The following APBA2 variants were observed in gnomAD, a reference collection of about 807,000 sequenced individuals.
The protein encoded by APBA2 is amyloid beta precursor protein binding family A member 2.
APBA2 carries 30 observed loss-of-function variants against 75.0 expected under a neutral mutation model. The observed-to-expected ratio is 0.40, with a 90% CI of 0.30 to 0.54. The LOEUF (loss-of-function observed/expected upper bound fraction) is 0.54. Ranked by LOEUF, APBA2 falls within the 20% of genes least tolerant of loss-of-function variation. The pLI is 0.49. For synonymous variants in APBA2, 444 were observed against 409.6 expected, an observed-to-expected ratio of 1.08 and a Z score of -1.01; for missense variants, 801 against 1,016.1, an observed-to-expected ratio of 0.79 and a Z score of 2.88.
chr15:29,114,110 C>T, intron 14 of APBA2, 94 bp downstream of exon 14: 1 of 1,561,116 alleles, frequency 6.4e-7, no homozygotes. Flanking sequence ...GGACACAGGG[C>T]ATCTGAAGGT....
intron 2 of APBA2, among the ~76,000 whole-genome samples, chr15:28,957,374 C>T (rs755722665): frequency 2.0e-5 from 3 of 152,188 alleles, no homozygotes; most frequent in South Asian, 2.1e-4. Context: ...CTACTGCGCC[C>T]GGCCTGAGCT....
intron 6 of APBA2, among the ~76,000 whole-genome samples, chr15:29,083,612 C>CCTT (rs1215620511): frequency 1.3e-5 from 2 of 152,250 alleles, no homozygotes; most frequent in Admixed American, 6.5e-5. Flanking sequence ...CTCACTGCAA[C>CCTT]CTTCGCCTTC....
At chr15:28,999,658 C>T (rs1171637931) in intron 3 of APBA2, among the ~76,000 whole-genome samples, 2 of 152,088 alleles carry the variant, frequency 1.3e-5, no homozygotes, top group Non-Finnish European at 2.9e-5. Flanking sequence ...TGTGGATCCC[C>T]CATGACCCAG....
At position 29,112,809 on chromosome 15, in the gene APBA2, G is replaced by A. The variant is rs376158007; in HGVS notation, c.2038-1067G>A. On this transcript the variant is annotated intron_variant, in intron 13 of 14. Transcript: ENST00000683413. The stretch of plus-strand genomic sequence containing the variant: ...CCATGGCCACTGCGCTCTCCTGCAC[G>A]TCTTCCTCCTCCCCAACAGGAACTT... Among the ~76,000 whole-genome samples the A allele has an allele frequency of 1.8e-4, 27 of 152,244 alleles. No individual in the cohort carries two copies. In the South Asian group the frequency reaches 5.0e-3, roughly 28 times the overall value.
chr15:29,090,987 G>A (rs2043539818), intron 6 of APBA2, among the ~76,000 whole-genome samples: 1 of 152,170 alleles, frequency 6.6e-6, no homozygotes, highest in African/African-American at 2.4e-5. Flanking sequence ...AGAAGCGCCA[G>A]GGTATGGTGG....
At chr15:29,003,534 G>A (rs2038959072) in intron 3 of APBA2, among the ~76,000 whole-genome samples, 1 of 152,224 alleles carries the variant, frequency 6.6e-6, no homozygotes, top group African/African-American at 2.4e-5. Context: ...CTCTATGGAG[G>A]TGGAATAGTT....
chr15:29,026,526 C>A (rs1452200564), intron 3 of APBA2, among the ~76,000 whole-genome samples: 1 of 152,202 alleles, frequency 6.6e-6, no homozygotes, highest in Non-Finnish European at 1.5e-5. Context: ...TTTCACAATT[C>A]TCTCATACTG....
chr15:28,980,833 A>G (rs2037583413), intron 2 of APBA2, among the ~76,000 whole-genome samples: 1 of 152,238 alleles, frequency 6.6e-6, no homozygotes, highest in African/African-American at 2.4e-5. Flanking sequence ...CTGATACAGA[A>G]GCAGACACAC....
At chr15:28,992,404 G>T (rs750526060) in intron 2 of APBA2, among the ~76,000 whole-genome samples, 1 of 152,180 alleles carries the variant, frequency 6.6e-6, no homozygotes, top group Non-Finnish European at 1.5e-5. Context: ...CATTTCAAAG[G>T]CTTGGTTAGA....
chr15:29,014,400 C>G (rs1162746306), intron 3 of APBA2, among the ~76,000 whole-genome samples: 1 of 152,220 alleles, frequency 6.6e-6, no homozygotes, highest in Non-Finnish European at 1.5e-5. Flanking sequence ...ATAATTACCA[C>G]TTTTCTTAGA....
chr15:29,085,858 G>C lies in APBA2; in HGVS notation c.1070-7217G>C, dbSNP rs546478962. On this transcript the variant is annotated intron_variant, in intron 6 of 14. Coordinates refer to ENST00000683413, the MANE Select transcript of APBA2 (RefSeq NM_001353788.2). ...TTAGAGACTGTAATCTGGGTAGTGT[G>C]GTTGCTCGTTGTTGTAGATTTGGTG... Among the ~76,000 whole-genome samples, 3 of 152,288 alleles carry C rather than the reference G, an allele frequency of 2.0e-5. No homozygotes were observed. The South Asian group carries it at 6.2e-4, about 32-fold the overall frequency.
intron 2 of APBA2, among the ~76,000 whole-genome samples, chr15:28,927,916 G>A (rs945910115): frequency 9.9e-5 from 15 of 151,312 alleles, no homozygotes; most frequent in Non-Finnish European, 2.1e-4. Context: ...GGCCGAGGCG[G>A]GCGGATCACC....
intron 1 of APBA2, among the ~76,000 whole-genome samples, chr15:28,896,322 C>T (rs920439846): frequency 5.3e-5 from 8 of 152,178 alleles, no homozygotes; most frequent in African/African-American, 1.9e-4. Flanking sequence ...TTCTGTCGCC[C>T]AGACTGGAGT....
chr15:29,013,373 G>A (rs934803022), intron 3 of APBA2, among the ~76,000 whole-genome samples: 2 of 149,480 alleles, frequency 1.3e-5, no homozygotes, highest in African/African-American at 2.5e-5. Context: ...TCCGCCTCAC[G>A]GGTTCACGCC....
intron 2 of APBA2, among the ~76,000 whole-genome samples, chr15:28,930,881 CGGCCCCAGGCT>C (rs1226103012): frequency 6.6e-6 from 1 of 152,218 alleles, no homozygotes; most frequent in Non-Finnish European, 1.5e-5. Flanking sequence ...TCCTTCAAGG[CGGCCCCAGGCT>C]GGCCCCACAC....
intron 1 of APBA2, among the ~76,000 whole-genome samples, chr15:28,908,769 T>A (rs1272019293): frequency 4.6e-5 from 7 of 152,192 alleles, no homozygotes; most frequent in East Asian, 1.9e-4. Context: ...TTTCTAGTTT[T>A]TAAAAATTGT....
intron 2 of APBA2, among the ~76,000 whole-genome samples, chr15:28,928,234 G>A (rs1344356189): frequency 6.6e-6 from 1 of 152,074 alleles, no homozygotes; most frequent in Non-Finnish European, 1.5e-5. Flanking sequence ...ATAGGGTGAT[G>A]GGAACTGAGG....
intron 4 of APBA2, among the ~76,000 whole-genome samples, chr15:29,057,605 C>T (rs8034715): frequency 1.3e-5 from 2 of 152,162 alleles, no homozygotes; most frequent in Admixed American, 6.5e-5. Context: ...TTTTGTCATA[C>T]AGTTTTTAAA....
chr15:29,015,647 G>A (rs1268349094), intron 3 of APBA2, among the ~76,000 whole-genome samples: 5 of 152,226 alleles, frequency 3.3e-5, no homozygotes, highest in Non-Finnish European at 5.9e-5. Flanking sequence ...TAAAGTGTTC[G>A]TCAGGCACTT....
Sources: allele counts gnomAD v4.1 joint callset (sites outside exome capture counted in the v4.1 genomes callset), GRCh38; gene constraint gnomAD v4.1.1; transcripts MANE v1.5; gene names NCBI Gene and HGNC (gene_info 2026-07-23, HGNC 2026-07-21).